Variants in NLRP5 observed in about 807,000 individuals in gnomAD.
NLRP5 encodes NACHT, LRR and PYD domains-containing protein 5.
Under a neutral mutation model 113.1 loss-of-function variants are expected in NLRP5, and 93 were observed. The ratio of observed to expected loss-of-function variants is 0.82; its 90% CI spans 0.70 to 0.98. NLRP5 has a LOEUF of 0.98. NLRP5 is among the 50% of genes least tolerant of loss of function. The pLI is 0.00. For synonymous variants in NLRP5, 751 were observed against 600.7 expected (o/e 1.25, Z -3.66); for missense variants, 1,808 against 1,514.3 (o/e 1.19, Z -3.22).
chr19:55,997,500 C>T (rs1056618199), upstream of NLRP5, among the ~76,000 whole-genome samples: 13 of 151,984 alleles, frequency 8.6e-5, no homozygotes, highest in African/African-American at 1.7e-4. Flanking sequence ...CTTCAATTCT[C>T]GGAATAGTTT....
chr19:56,018,120 C>G (rs1322334617), intron 4 of NLRP5, among the ~76,000 whole-genome samples: 4 of 152,170 alleles, frequency 2.6e-5, no homozygotes, highest in African/African-American at 9.7e-5. Flanking sequence ...CAAACGCAAT[C>G]CACTTTTACA....
At chr19:56,024,584 T>TACAC (rs369128981) in intron 6 of NLRP5, among the ~76,000 whole-genome samples, 20,349 of 147,152 alleles carry the variant, frequency 0.14, 1,638 homozygotes, top group Non-Finnish European at 0.18. Context: ...TATATATACA[T>TACAC]ACACACACAC....
At chr19:56,046,689 C>A (rs10403043) in intron 11 of NLRP5, among the ~76,000 whole-genome samples, 1 of 151,896 alleles carries the variant, frequency 6.6e-6, no homozygotes, top group Non-Finnish European at 1.5e-5. Flanking sequence ...TACAGGCGCC[C>A]GCCACTGCGG....
chr19:56,048,316 G>A (rs2123332702), intron 11 of NLRP5, among the ~76,000 whole-genome samples: 1 of 152,178 alleles, frequency 6.6e-6, no homozygotes, highest in South Asian at 2.1e-4. Flanking sequence ...TTATATTTTT[G>A]TTTTGTAAGT....
chr19:55,990,950 C>G, the NLRP5 span, among the ~76,000 whole-genome samples: 2 of 152,062 alleles, frequency 1.3e-5, no homozygotes, highest in Non-Finnish European at 2.9e-5. Context: ...TATCACTGTA[C>G]TCTAGCCTGG....
At chr19:55,991,446 G>T in the NLRP5 span, among the ~76,000 whole-genome samples, 6 of 152,048 alleles carry the variant, frequency 3.9e-5, 1 homozygote, top group East Asian at 1.2e-3. Context: ...TACTGATGGA[G>T]GATGACTGAT....
chr19:56,060,586 G>A (rs553914221), intron 14 of NLRP5, among the ~76,000 whole-genome samples: 10 of 152,122 alleles, frequency 6.6e-5, no homozygotes, highest in South Asian at 6.2e-4. Context: ...CCTATAACAC[G>A]ACCCGGCACA....
At chr19:56,049,264 T>G (rs1419040675) in intron 11 of NLRP5, among the ~76,000 whole-genome samples, 1 of 151,818 alleles carries the variant, frequency 6.6e-6, no homozygotes, top group African/African-American at 2.4e-5. Context: ...ACTGCAACCT[T>G]TGCCTCCTGG....
chr19:56,030,749 C>T (rs562554545), intron 7 of NLRP5, among the ~76,000 whole-genome samples: 36 of 64,100 alleles, frequency 5.6e-4, no homozygotes, highest in South Asian at 3.1e-3. Context: ...GAGTCTTGCT[C>T]GGTCACCCAG....
At chr19:56,026,433 C>T (rs1982849203) in intron 6 of NLRP5, among the ~76,000 whole-genome samples, 1 of 136,020 alleles carries the variant, frequency 7.4e-6, no homozygotes, top group Admixed American at 8.4e-5. Flanking sequence ...GAGGTTGAGG[C>T]AGGAGAATGG....
At chr19:56,019,201 C>T in intron 4 of NLRP5, 141 bp from the exon 5 acceptor site, 2 of 913,618 alleles carry the variant, frequency 2.2e-6, no homozygotes, top group South Asian at 3.2e-5. Flanking sequence ...TGCACTCTGT[C>T]TTCTAGCTGA....
At chr19:55,991,939 G>T in the NLRP5 span, among the ~76,000 whole-genome samples, 1 of 71,636 alleles carries the variant, frequency 1.4e-5, no homozygotes, top group Non-Finnish European at 2.6e-5. Flanking sequence ...TGTCATGGGG[G>T]TTTGTTATAC....
chr19:55,998,165 C>G (rs1981397491), upstream of NLRP5, among the ~76,000 whole-genome samples: 1 of 152,014 alleles, frequency 6.6e-6, no homozygotes, highest in Non-Finnish European at 1.5e-5. Context: ...TTTATCTTAT[C>G]TCAGTCCTGA....
intron 7 of NLRP5, among the ~76,000 whole-genome samples, chr19:56,030,714 C>CTTCTTCTTTTTTT (rs1555767859): frequency 1.4e-5 from 1 of 71,350 alleles, no homozygotes; most frequent in African/African-American, 7.2e-5. Context: ...CTTTCTTCTT[C>CTTCTTCTTTTTTT]TTTTTTTTTT....
Position 56,033,576 on chromosome 19 carries a change from C to G in NLRP5, c.2482C>G (p.His828Asp), listed in dbSNP as rs767662536. 1 of 1,613,770 alleles carries G rather than the reference C, an allele frequency of 6.2e-7. No individual in the cohort carries two copies. Among genetic ancestry groups the G allele is most frequent in the South Asian group, 1.1e-5 (1 of 91,050 alleles). The stretch of plus-strand genomic sequence containing the variant: ...TGCACAGATTACCCCTGGTGTGCAG[C>G]ACCTCTGGAGAATCGTCATGGCCAA... Residue 828 changes from histidine to aspartate, a missense_variant, in exon 9 of 15, where the codon CAC becomes GAC. Coordinates refer to ENST00000390649, the MANE Select transcript of NLRP5 (RefSeq NM_153447.4).
At position 56,061,432 on chromosome 19, in the gene NLRP5, G is replaced by A. The variant is rs147849899; in HGVS notation, c.3507G>A (p.Lys1169=). 222 of 1,614,010 alleles carry A rather than the reference G, an allele frequency of 1.4e-4. No homozygotes were observed. The African/African-American group carries it at 2.6e-3, about 19-fold the overall frequency. The change falls in exon 15 of 15, where the codon AAG becomes AAA. Residue 1169 remains lysine, a synonymous_variant. Transcript: ENST00000390649. ...GGCAGTACCCTGTGCAAATAAGGAA[G>A]CTGCTGGAGGAAGTGCAGCTACTCA...
chr19:56,027,052 C>A lies in NLRP5; in HGVS notation c.819C>A (p.Asp273Glu), dbSNP rs769599447. ...CGTTGGCTGGTGCTTTTGATTCAGA[C>A]CGGTGGGGCTTCCGGCCTCGCACGG... The change falls in exon 7 of 15, where the codon GAC becomes GAA. Residue 273 changes from aspartate to glutamate, a missense_variant. By Grantham distance (45) the Asp-to-Glu change is conservative (BLOSUM62 2). Coordinates refer to ENST00000390649, the MANE Select transcript of NLRP5 (RefSeq NM_153447.4). 14 of 1,554,048 alleles carry A rather than the reference C, an allele frequency of 9.0e-6. No homozygotes were observed. Among genetic ancestry groups the A allele is most frequent in the Non-Finnish European group, 8.7e-7 (1 of 1,148,618 alleles).
chr19:56,051,811 T>TTTTGGTA (rs1247774419), intron 12 of NLRP5, among the ~76,000 whole-genome samples: 2 of 152,214 alleles, frequency 1.3e-5, no homozygotes, highest in Non-Finnish European at 2.9e-5. Flanking sequence ...GCTTGTATGC[T>TTTTGGTA]TGGTAGCATT....
At chr19:56,006,667 G>T (rs753855495) in intron 2 of NLRP5, among the ~76,000 whole-genome samples, 56 of 152,144 alleles carry the variant, frequency 3.7e-4, no homozygotes, top group Non-Finnish European at 6.0e-4. Context: ...GGGAGGTAGA[G>T]GTTGCAGTGA....
Sources: allele counts gnomAD v4.1 joint callset (sites outside exome capture counted in the v4.1 genomes callset), GRCh38; gene constraint gnomAD v4.1.1; transcripts MANE v1.5; gene names NCBI Gene and HGNC (gene_info 2026-07-23, HGNC 2026-07-21).